Variants in NAA25 observed in about 807,000 individuals in gnomAD.
NAA25 encodes the protein N-alpha-acetyltransferase 25, NatB auxiliary subunit.
A neutral mutation model predicts 132.5 loss-of-function variants in NAA25; 30 were observed. That is an observed-to-expected ratio of 0.23 (90% CI 0.17 to 0.31). The LOEUF (loss-of-function observed/expected upper bound fraction) is 0.31, where lower values mean the gene tolerates loss of function less well. Ranked by LOEUF, NAA25 falls within the 10% of genes least tolerant of loss-of-function variation. NAA25 has a pLI of 1.00. For synonymous variants in NAA25, 359 were observed against 401.9 expected (o/e 0.89, Z 1.28); for missense variants, 771 against 1,150.4 (o/e 0.67, Z 4.77).
chr12:112,084,102 T>C (rs951679577), intron 4 of NAA25, among the ~76,000 whole-genome samples: 1 of 152,110 alleles, frequency 6.6e-6, no homozygotes, highest in Non-Finnish European at 1.5e-5. Context: ...AAAACATGGA[T>C]CTAAGTTGGT....
chr12:112,073,454 T>A (rs144030653), intron 9 of NAA25, among the ~76,000 whole-genome samples: 1 of 152,324 alleles, frequency 6.6e-6, no homozygotes, highest in African/African-American at 2.4e-5. Flanking sequence ...CACTTTTTTT[T>A]GAGAGGGAGT....
chr12:112,047,229 C>CTTTT (rs71808367), intron 17 of NAA25, among the ~76,000 whole-genome samples: 3 of 119,174 alleles, frequency 2.5e-5, no homozygotes, highest in Non-Finnish European at 3.5e-5. Flanking sequence ...CATCCTAATT[C>CTTTT]TTTTTTTTTT....
chr12:112,090,569 C>T, intron 3 of NAA25, 157 bp downstream of exon 3: 1 of 596,708 alleles, frequency 1.7e-6, no homozygotes, highest in East Asian at 3.1e-5. Context: ...TGTAAACTAT[C>T]CTTTCTATCT....
chr12:112,061,695 G>A (rs2078632319), intron 11 of NAA25, among the ~76,000 whole-genome samples: 1 of 151,806 alleles, frequency 6.6e-6, no homozygotes, highest in Non-Finnish European at 1.5e-5. Flanking sequence ...ATAACTTACA[G>A]CATATTAACA....
intron 13 of NAA25, among the ~76,000 whole-genome samples, chr12:112,057,718 C>T (rs1490010044): frequency 6.6e-6 from 1 of 152,142 alleles, no homozygotes; most frequent in Admixed American, 6.5e-5. Flanking sequence ...AGGCCGGGCG[C>T]AGTGGCTCAC....
chr12:112,041,957 G>T, intron 20 of NAA25, 82 bp downstream of exon 20: 1 of 789,948 alleles, frequency 1.3e-6, no homozygotes, highest in Non-Finnish European at 2.0e-6. Context: ...GGGTGATTGG[G>T]CTTGGGAATA....
Position 112,075,766 on chromosome 12 carries a change from T to A in NAA25, c.688A>T (p.Ser230Cys). 6.2e-7 allele frequency: 1 copy of A among 1,613,996 alleles called. No individual in the cohort carries two copies. Among genetic ancestry groups the A allele is most frequent in the African/African-American group, 1.3e-5 (1 of 75,062 alleles). The change falls in exon 8 of 24, where the codon AGT (serine) becomes TGT (cysteine). Residue 230 changes from serine to cysteine, a missense_variant. Physicochemically the swap from Ser to Cys is moderately radical, Grantham distance 112. Transcript: ENST00000261745. ...ATAGCCATGCATTTATTTTCCCGAC[T>A]CTGAATCTCACTTGTCAACTTCTCT... ...LGEKLTSEIQSRENKCMAMYK... is the reference protein window; with the variant it reads ...LGEKLTSEIQCRENKCMAMYK...
In NAA25 at chr12:112,081,000, G is replaced by C. The variant is rs2078966151; in HGVS notation, c.477+60C>G. 2.9e-6 allele frequency: 4 copies of C among 1,379,922 alleles called. No individual in the cohort carries two copies. In the South Asian group the frequency reaches 4.7e-5, roughly 16 times the overall value. 85.5% of individuals were successfully genotyped at this position (1,379,922 alleles called of 1,614,324 possible). ...AAACCAGTTCAGAAGACACACTGAG[G>C]ACAATAACTATATAAAAAATAAAAC... On this transcript the variant is annotated intron_variant, in intron 5 of 23. Transcript: ENST00000261745.
At chr12:112,059,194 C>T (rs964228125) in intron 13 of NAA25, among the ~76,000 whole-genome samples, 3 of 145,848 alleles carry the variant, frequency 2.1e-5, no homozygotes, top group Non-Finnish European at 4.5e-5. Context: ...ATCGCTTGAA[C>T]CCAGGAGGCG....
chr12:112,069,121 C>T (rs905626775), intron 10 of NAA25, 129 bp from the exon 11 acceptor site: 5 of 613,890 alleles, frequency 8.1e-6, no homozygotes, highest in Admixed American at 5.7e-5. Flanking sequence ...CCCAAGATAG[C>T]GGGTTATCTC....
intron 1 of NAA25, among the ~76,000 whole-genome samples, chr12:112,101,435 T>C (rs980689633): frequency 6.6e-6 from 1 of 152,018 alleles, no homozygotes; most frequent in Non-Finnish European, 1.5e-5. Context: ...AAAAGGGCAG[T>C]CTGCTAGAAA....
At chr12:112,095,295 G>A (rs955432688) in intron 1 of NAA25, among the ~76,000 whole-genome samples, 2 of 151,822 alleles carry the variant, frequency 1.3e-5, no homozygotes, top group African/African-American at 2.4e-5. Flanking sequence ...AAATTAGCCG[G>A]GCATGGTGGC....
intron 13 of NAA25, among the ~76,000 whole-genome samples, chr12:112,056,965 G>A (rs1482032346): frequency 1.3e-5 from 2 of 152,066 alleles, no homozygotes; most frequent in East Asian, 1.9e-4. Flanking sequence ...TGAGGCGGGC[G>A]GATCACGAGG....
rs368617868 is a variant in NAA25 at position 112,074,734 on chromosome 12, A to G, written c.807T>C (p.Tyr269=). 3.2e-5 allele frequency: 52 copies of G among 1,612,110 alleles called. No homozygotes were observed. The highest frequency in any genetic ancestry group is 4.2e-5 in the Non-Finnish European group (49 of 1,179,242). The change falls in exon 9 of 24, where the codon TAT becomes TAC. Residue 269 remains tyrosine, a synonymous_variant. Transcript: ENST00000261745. ...CAATCAGTCGAAAGACAGAATCGAAATAAGTCAGATAGAACTGCCAGTCAT... is the reference window on the plus strand; with the variant it reads ...CAATCAGTCGAAAGACAGAATCGAAGTAAGTCAGATAGAACTGCCAGTCAT... The part of the protein sequence containing the change: ...NSDDWQFYLT[Y]FDSVFRLIEE...
intron 5 of NAA25, among the ~76,000 whole-genome samples, chr12:112,079,698 T>C (rs2078942564): frequency 6.6e-6 from 1 of 152,150 alleles, no homozygotes; most frequent in Non-Finnish European, 1.5e-5. Context: ...TTTTAAATCC[T>C]TCCTCCCCAT....
chr12:112,080,966 A>G, intron 5 of NAA25, 94 bp downstream of exon 5: 1 of 1,087,078 alleles, frequency 9.2e-7, no homozygotes, highest in Non-Finnish European at 1.4e-6. Flanking sequence ...ACCCTGTCTC[A>G]AACAAAAAAA....
chr12:112,055,503 T>G (rs1047704939), intron 13 of NAA25, among the ~76,000 whole-genome samples: 1 of 152,104 alleles, frequency 6.6e-6, no homozygotes, highest in Non-Finnish European at 1.5e-5. Context: ...GAGACCAGCC[T>G]GAACAACATA....
intron 16 of NAA25, 138 bp from the exon 17 acceptor site, chr12:112,047,928 G>T: frequency 1.1e-6 from 1 of 924,202 alleles, no homozygotes; most frequent in Non-Finnish European, 1.6e-6. Context: ...AGAACCAAGC[G>T]CAGATCAAAC....
rs539704358 is a variant in NAA25 at position 112,053,477 on chromosome 12, C to A, written c.1728+81G>T. ...AGCATGGTGCACCTTAACATGTGTACTTGTGACATGTGGTGACGTGCTCCT... is the reference window on the plus strand; with the variant it reads ...AGCATGGTGCACCTTAACATGTGTAATTGTGACATGTGGTGACGTGCTCCT... On this transcript the variant is annotated intron_variant, in intron 15 of 23. Coordinates refer to ENST00000261745, the MANE Select transcript of NAA25 (RefSeq NM_024953.4). 158 of 1,028,014 alleles carry A rather than the reference C, an allele frequency of 1.5e-4. 1 individual carries two copies. Among genetic ancestry groups the A allele is most frequent in the Non-Finnish European group, 2.2e-4 (149 of 671,112 alleles). 63.7% of individuals were successfully genotyped at this position (1,028,014 alleles called of 1,614,324 possible).
Sources: allele counts gnomAD v4.1 joint callset (sites outside exome capture counted in the v4.1 genomes callset), GRCh38; gene constraint gnomAD v4.1.1; transcripts MANE v1.5; gene names NCBI Gene and HGNC (gene_info 2026-07-23, HGNC 2026-07-21).